Variants in PPP4R4 observed in about 807,000 individuals in gnomAD.
The protein encoded by PPP4R4 is protein phosphatase 4 regulatory subunit 4, also known as serine/threonine-protein phosphatase 4 regulatory subunit 4.
In PPP4R4, 70 loss-of-function variants were observed where a neutral mutation model predicts 121.8. The ratio of observed to expected loss-of-function variants is 0.57; its 90% CI spans 0.47 to 0.70. The LOEUF is 0.70. PPP4R4 is among the 30% of genes least tolerant of loss of function. The pLI is 0.00. For missense variants in PPP4R4, 875 were observed against 1,033.6 expected (o/e 0.85, Z 2.10); for synonymous variants, 348 against 355.7 (o/e 0.98, Z 0.24).
intron 24 of PPP4R4, among the ~76,000 whole-genome samples, chr14:94,276,356 G>T (rs1199806471): frequency 6.6e-6 from 1 of 152,200 alleles, no homozygotes; most frequent in Non-Finnish European, 1.5e-5. Flanking sequence ...GATTTAGGCT[G>T]TTTTGCATTG....
rs200599777 is a variant in PPP4R4, at chr14:94,265,882, T to G, written c.2373T>G (p.Cys791Trp). 2.4e-4 allele frequency: 380 copies of G among 1,581,150 alleles called. No homozygotes were observed. The highest frequency in any genetic ancestry group is 3.4e-4 in the Admixed American group (20 of 59,162). ...FHAKYGNLEK[C>W]ASKSSTTGYT... The stretch of plus-strand genomic sequence containing the variant: ...CAAAATATGGCAACTTAGAGAAATG[T>G]GCTAGGTACGATCTGTAAGCCCTTC... Residue 791 changes from cysteine (C) to tryptophan (W), a missense_variant, in exon 22 of 25, where the codon TGT becomes TGG. Transcript: ENST00000304338.
intron 23 of PPP4R4, among the ~76,000 whole-genome samples, chr14:94,272,990 A>G (rs1894421054): frequency 6.6e-6 from 1 of 152,214 alleles, no homozygotes; most frequent in African/African-American, 2.4e-5. Flanking sequence ...CGCTGACAGC[A>G]AATGCTGGTG....
chr14:94,250,478 G>A (rs1045094699), intron 15 of PPP4R4, among the ~76,000 whole-genome samples: 1 of 151,878 alleles, frequency 6.6e-6, no homozygotes, highest in African/African-American at 2.4e-5. Context: ...GTTTTCTTTT[G>A]TAAATGTCTA....
chr14:94,206,589 T>C (rs1322079025), intron 2 of PPP4R4, among the ~76,000 whole-genome samples: 2 of 152,022 alleles, frequency 1.3e-5, no homozygotes, highest in Non-Finnish European at 2.9e-5. Flanking sequence ...TATTAGAGAT[T>C]ATACCCTTTT....
rs775359754 is a variant in PPP4R4 at position 94,208,482 on chromosome 14, A to G, written c.210A>G (p.Gln70=). Residue 70 remains glutamine, a synonymous_variant, in exon 3 of 25, where the codon CAA becomes CAG. Transcript: ENST00000304338. ...TTGTAAGTGCTGGTCAAGATGTCCA[A>G]GGAACAAGTGTGATTGCAAATCTCC... ...VYLLSAGQDV[Q]GTSVIANLPF... is the part of the protein sequence containing the mutation. The G allele has an allele frequency of 3.7e-6, 6 of 1,610,250 alleles. No individual in the cohort carries two copies. The African/African-American group carries it at 4.0e-5, about 11-fold the overall frequency.
At chr14:94,218,508 GCA>G (rs1199279983) in intron 3 of PPP4R4, among the ~76,000 whole-genome samples, 1 of 76,080 alleles carries the variant, frequency 1.3e-5, no homozygotes, top group Non-Finnish European at 2.3e-5. Flanking sequence ...CCGCACGCGC[GCA>G]CACACACACC....
chr14:94,231,644 T>C (rs1049230381), intron 5 of PPP4R4, among the ~76,000 whole-genome samples: 1 of 152,170 alleles, frequency 6.6e-6, no homozygotes, highest in Non-Finnish European at 1.5e-5. Flanking sequence ...CTATATTTTT[T>C]AAACTCATTT....
Position 94,234,585 on chromosome 14 carries a change from T to G in PPP4R4, c.647T>G (p.Leu216Arg). Residue 216 changes from leucine (L) to arginine (R), a missense_variant, in exon 7 of 25, where the codon CTG becomes CGG. Physicochemically the swap from Leu to Arg is moderately radical, Grantham distance 102. Coordinates refer to ENST00000304338, the MANE Select transcript of PPP4R4 (RefSeq NM_058237.2). ...AGCATTAAGCGAGAAATACTTCCTCTGGTAAAATCACTCTGTCAAGATGTA... is the reference window on the plus strand; with the variant it reads ...AGCATTAAGCGAGAAATACTTCCTCGGGTAAAATCACTCTGTCAAGATGTA... ...AHTIKREILPLVKSLCQDVEY... is the reference protein window; with the variant it reads ...AHTIKREILPRVKSLCQDVEY... 1 of 1,603,484 alleles carries G rather than the reference T, an allele frequency of 6.2e-7. No homozygotes were observed. Among genetic ancestry groups the G allele is most frequent in the Non-Finnish European group, 8.5e-7 (1 of 1,171,238 alleles).
intron 2 of PPP4R4, among the ~76,000 whole-genome samples, chr14:94,200,997 C>G (rs1006693419): frequency 1.3e-5 from 2 of 152,140 alleles, no homozygotes; most frequent in African/African-American, 4.8e-5. Context: ...ACCGCTTTTG[C>G]TCTATCCCAG....
chr14:94,278,161 C>T (rs926060381), intron 24 of PPP4R4, among the ~76,000 whole-genome samples: 4 of 152,138 alleles, frequency 2.6e-5, no homozygotes, highest in African/African-American at 9.7e-5. Flanking sequence ...ATTTTTGCTT[C>T]TCAAATTCTA....
chr14:94,274,537 A>G (rs1351763036), intron 23 of PPP4R4, among the ~76,000 whole-genome samples: 4 of 152,200 alleles, frequency 2.6e-5, no homozygotes, highest in Non-Finnish European at 5.9e-5. Context: ...CCTAATCATT[A>G]GGGAAATGGA....
chr14:94,265,732 G>T (rs1050919804), intron 21 of PPP4R4, 62 bp from the exon 22 acceptor site: 196 of 1,204,756 alleles, frequency 1.6e-4, no homozygotes, highest in Middle Eastern at 1.9e-4. Flanking sequence ...GGGAGGGAAT[G>T]GGGGTTGGAG....
chr14:94,179,012 T>C (rs1294986940), intron 2 of PPP4R4, among the ~76,000 whole-genome samples: 2 of 152,218 alleles, frequency 1.3e-5, no homozygotes, highest in Non-Finnish European at 2.9e-5. Context: ...GGTGACTCTA[T>C]CTTAGCTGTG....
In PPP4R4 at chr14:94,259,395, A is replaced by G. The variant is rs749189092; in HGVS notation, c.2127+26A>G. On this transcript the variant is annotated intron_variant, in intron 19 of 24. Transcript: ENST00000304338. Reference sequence around the variant, plus strand: ...GTATGTTGTTTTCACATGCACACACATATACTCTTTTCTGATTAATAACTG... The same window carrying G: ...GTATGTTGTTTTCACATGCACACACGTATACTCTTTTCTGATTAATAACTG... 4.2e-5 allele frequency: 66 copies of G among 1,555,062 alleles called. No homozygotes were observed. In the Admixed American group the frequency reaches 7.3e-4, roughly 17 times the overall value.
chr14:94,275,006 G>A (rs1295838596), intron 23 of PPP4R4, among the ~76,000 whole-genome samples: 1 of 152,162 alleles, frequency 6.6e-6, no homozygotes, highest in African/African-American at 2.4e-5. Context: ...TCAAAATTAT[G>A]CTGAATGAAA....
intron 23 of PPP4R4, among the ~76,000 whole-genome samples, chr14:94,272,943 C>T (rs1023070882): frequency 6.6e-6 from 1 of 152,084 alleles, no homozygotes; most frequent in South Asian, 2.1e-4. Context: ...ACAATGAAGC[C>T]CCATGACACA....
At chr14:94,275,294 A>C in intron 23 of PPP4R4, 80 bp from the exon 24 acceptor site, 1 of 1,475,402 alleles carries the variant, frequency 6.8e-7, no homozygotes, top group Non-Finnish European at 9.3e-7. Flanking sequence ...AAAGTTAGCT[A>C]TCATTAACCT....
intron 3 of PPP4R4, among the ~76,000 whole-genome samples, chr14:94,226,687 TTA>T (rs1891723219): frequency 6.6e-6 from 1 of 152,160 alleles, no homozygotes; most frequent in African/African-American, 2.4e-5. Context: ...CCCAGATATT[TTA>T]TATGTCCCTG....
chr14:94,243,401 A>G (rs1391427240), intron 11 of PPP4R4, among the ~76,000 whole-genome samples: 1 of 152,090 alleles, frequency 6.6e-6, no homozygotes, highest in East Asian at 1.9e-4. Context: ...TTCACCTCCA[A>G]GATGCATTAA....
Sources: allele counts gnomAD v4.1 joint callset (sites outside exome capture counted in the v4.1 genomes callset), GRCh38; gene constraint gnomAD v4.1.1; transcripts MANE v1.5; gene names NCBI Gene and HGNC (gene_info 2026-07-23, HGNC 2026-07-21).